The following PAPLN variants were observed in gnomAD, a reference collection of about 807,000 sequenced individuals.
PAPLN encodes papilin.
Under a neutral mutation model 159.0 loss-of-function variants are expected in PAPLN, and 146 were observed. That is an observed-to-expected ratio of 0.92 (90% CI 0.80 to 1.05). The LOEUF is 1.05. Among genes scored for constraint, PAPLN ranks in the 50% least tolerant of loss-of-function variants. The pLI is 0.00. For synonymous variants in PAPLN, 734 were observed against 702.9 expected (o/e 1.04, Z -0.70); for missense variants, 1,720 against 1,743.9 (o/e 0.99, Z 0.24).
In PAPLN at chr14:73,265,273, A is replaced by AGG. The variant is rs56219045; in HGVS notation, c.3126-95_3126-94dup. ...TTTAGGAAGCTGAATCTGGCTGGAG[A>AGG]GGGAGAAGGGGCCACCAGGCTTGTG... is the stretch of plus-strand genomic sequence containing the variant. On this transcript the variant is annotated intron_variant, in intron 22 of 26. Coordinates refer to ENST00000644200, the MANE Select transcript of PAPLN (RefSeq NM_001365906.3). The surrounding 1 kb of genome is among the most constrained non-coding windows in gnomAD (Gnocchi z 4.1). 183,649 of 1,508,586 alleles carry AGG rather than the reference A, an allele frequency of 0.12. 12,901 individuals are homozygous for AGG. The highest frequency in any genetic ancestry group is 0.25 in the Admixed American group (11,993 of 48,618). 93.5% of individuals were successfully genotyped at this position (1,508,586 alleles called of 1,614,324 possible).
chr14:73,244,441 T>G, intron 2 of PAPLN: 5 of 522,496 alleles, frequency 9.6e-6, no homozygotes, highest in Non-Finnish European at 3.4e-6. Flanking sequence ...CTCAGCTCCT[T>G]ATGAGGAAAG....
At chr14:73,270,320 C>T (rs1330292100) in intron 26 of PAPLN, among the ~76,000 whole-genome samples, 2 of 152,224 alleles carry the variant, frequency 1.3e-5, no homozygotes, top group African/African-American at 4.8e-5. Context: ...AACATGGTGG[C>T]GCCCGAAAAC....
intron 2 of PAPLN, among the ~76,000 whole-genome samples, chr14:73,242,202 C>G (rs1005736302): frequency 1.3e-5 from 2 of 152,346 alleles, no homozygotes; most frequent in African/African-American, 4.8e-5. Context: ...CTAGTGGACA[C>G]CTGCCTTACA....
At position 73,265,040 on chromosome 14, in the gene PAPLN, A is replaced by AG. The variant is rs1887075624; in HGVS notation, c.3125+319dup. ...CCTTGAGGAATGGTTCAGTTTACAG[A>AG]GGGGGTGTGGAGGACCGGAGGGGGT... is the stretch of plus-strand genomic sequence containing the variant. On this transcript the variant is annotated intron_variant, in intron 22 of 26. Transcript: ENST00000644200. This position sits in a 1 kb window ranked among gnomAD's most constrained non-coding sequence, Gnocchi z 4.1. Among the ~76,000 whole-genome samples the AG allele has an allele frequency of 6.9e-6, 1 of 145,434 alleles. No homozygotes were observed. Among genetic ancestry groups the AG allele is most frequent in the African/African-American group, 2.6e-5 (1 of 38,260 alleles).
At position 73,266,588 on chromosome 14, in the gene PAPLN, G is replaced by A; in HGVS notation, c.3351G>A (p.Gly1117=). The part of the protein sequence containing the change: ...GGFYTCVAFN[G]QDRDQRWVQL... Reference sequence around the variant, plus strand: ...TCTACACCTGTGTCGCTTTCAATGGGCAGGACCGAGACCAGCGATGGGTCC... The same window carrying A: ...TCTACACCTGTGTCGCTTTCAATGGACAGGACCGAGACCAGCGATGGGTCC... The change falls in exon 24 of 27, where the codon GGG becomes GGA. Residue 1117 remains glycine, a synonymous_variant. Transcript: ENST00000644200. 1 of 1,614,168 alleles carries A rather than the reference G, an allele frequency of 6.2e-7. No individual in the cohort carries two copies. Among genetic ancestry groups the A allele is most frequent in the African/African-American group, 1.3e-5 (1 of 75,032 alleles).
rs1026321315 is a variant in PAPLN, at chr14:73,246,389, C to T, written c.334+214C>T. Reference sequence around the variant, plus strand: ...GGGATTGCAGGCGTGAGCCACTGTACCCGACCAATTTTTTTTTTTTTTTTT... The same window carrying T: ...GGGATTGCAGGCGTGAGCCACTGTATCCGACCAATTTTTTTTTTTTTTTTT... On this transcript the variant is annotated intron_variant, in intron 5 of 26. Coordinates refer to ENST00000644200, the MANE Select transcript of PAPLN (RefSeq NM_001365906.3). Among the ~76,000 whole-genome samples, 4 of 143,748 alleles carry T rather than the reference C, an allele frequency of 2.8e-5. 1 individual carries two copies. The South Asian group carries it at 6.8e-4, about 24-fold the overall frequency. 94.3% of individuals were successfully genotyped at this position (143,748 alleles called of 152,430 possible).
chr14:73,262,948 G>A (rs1346135553), intron 19 of PAPLN, 121 bp downstream of exon 19: 8 of 959,174 alleles, frequency 8.3e-6, no homozygotes, highest in African/African-American at 1.7e-5. Context: ...TGTTTCTCCC[G>A]AGAGCCCTGC....
In PAPLN at chr14:73,261,012, T is replaced by A. The variant is rs538724397; in HGVS notation, c.2107-144T>A. 93 of 1,444,028 alleles carry A rather than the reference T, an allele frequency of 6.4e-5. No individual in the cohort carries two copies. In the African/African-American group the frequency reaches 1.2e-3, roughly 18 times the overall value. The allele number at this position is 1,444,028 out of a possible 1,614,324, so 89.5% of individuals were successfully genotyped here. A position where few individuals can be genotyped will look rare whatever the true frequency, so the allele number is the denominator to read the frequency against. ...GATGGGCCTGGGGTGGATCAGGGGT[T>A]TCATCCAACATTCTCCTGGCCTCTG... On this transcript the variant is annotated intron_variant, in intron 17 of 26. Transcript: ENST00000644200.
chr14:73,244,825 G>A (rs1279798423), intron 3 of PAPLN, 66 bp downstream of exon 3: 2 of 1,348,300 alleles, frequency 1.5e-6, no homozygotes, highest in East Asian at 2.5e-5. Context: ...TCTGGGTGGT[G>A]GGCTAGGTGG....
rs781661082 is a variant in PAPLN at position 73,253,745 on chromosome 14, T to C, written c.1095-9T>C. On this transcript the variant is annotated splice_polypyrimidine_tract_variant and intron_variant, in intron 11 of 26. Coordinates refer to ENST00000644200, the MANE Select transcript of PAPLN (RefSeq NM_001365906.3). ...TGGGCCAGCCTTACCTGATTCCCCC[T>C]CCTGCCAGCTGGAAGGCAGGGCCAT... 6 of 1,585,934 alleles carry C rather than the reference T, an allele frequency of 3.8e-6. No homozygotes were observed. Among genetic ancestry groups the C allele is most frequent in the Non-Finnish European group, 5.2e-6 (6 of 1,161,646 alleles).
At position 73,244,366 on chromosome 14, in the gene PAPLN, T is replaced by A. The variant is rs1326921873; in HGVS notation, c.55-278T>A. On this transcript the variant is annotated intron_variant, in intron 2 of 26. Coordinates refer to ENST00000644200, the MANE Select transcript of PAPLN (RefSeq NM_001365906.3). ...GCCCCTGGCTGTAGGGTCCCTCCCCTCCAGTGGCCCCTGAAACTCCAAACT... is the reference window on the plus strand; with the variant it reads ...GCCCCTGGCTGTAGGGTCCCTCCCCACCAGTGGCCCCTGAAACTCCAAACT... The A allele has an allele frequency of 3.0e-5, 11 of 370,172 alleles. No homozygotes were observed. In the Admixed American group the frequency reaches 3.5e-4, roughly 12 times the overall value. 22.9% of individuals were successfully genotyped at this position (370,172 alleles called of 1,614,324 possible). A position where few individuals can be genotyped will look rare whatever the true frequency, so the allele number is the denominator to read the frequency against.
At position 73,272,609 on chromosome 14, in the gene PAPLN, TCTG is replaced by T; in HGVS notation, c.3786_3788del (p.Cys1263del). On this transcript the variant is annotated inframe_deletion, in exon 27 of 27. Coordinates refer to ENST00000644200, the MANE Select transcript of PAPLN (RefSeq NM_001365906.3). ...TGTGGCAATGAGTATTACTCCAGCT[TCTG>T]CTGTGCCAGCTGTTCACGTTTCCAG... The T allele has an allele frequency of 2.5e-6, 4 of 1,597,706 alleles. No homozygotes were observed. Among genetic ancestry groups the T allele is most frequent in the Non-Finnish European group, 3.4e-6 (4 of 1,166,482 alleles).
In PAPLN at chr14:73,264,215, A is replaced by C. The variant is rs1399152510; in HGVS notation, c.2866A>C (p.Arg956=). Residue 956 remains arginine (R), a synonymous_variant, in exon 21 of 27, where the codon AGG becomes CGG. Transcript: ENST00000644200. The part of the protein sequence containing the change: ...DGQPISSDRH[R]LQFDGSLIIH... Reference sequence around the variant, plus strand: ...CTCCCACACCACCCCACTCAGGCACAGGCTGCAGTTCGACGGATCCCTGAT... The same window carrying C: ...CTCCCACACCACCCCACTCAGGCACCGGCTGCAGTTCGACGGATCCCTGAT... 5 of 1,613,722 alleles carry C rather than the reference A, an allele frequency of 3.1e-6. No homozygotes were observed. In the South Asian group the frequency reaches 5.5e-5, roughly 18 times the overall value.
At position 73,252,635 on chromosome 14, in the gene PAPLN, G is replaced by C; in HGVS notation, c.968-14G>C. The stretch of plus-strand genomic sequence containing the variant: ...TGACTGGCGTCTGCCCGCCATGGCT[G>C]GGCCTCTGCGCAGGTCACCAGTCCC... On this transcript the variant is annotated splice_polypyrimidine_tract_variant and intron_variant, in intron 10 of 26. Transcript: ENST00000644200. The C allele has an allele frequency of 6.2e-7, 1 of 1,610,444 alleles. No homozygotes were observed. The highest frequency in any genetic ancestry group is 8.5e-7 in the Non-Finnish European group (1 of 1,179,008).
In PAPLN at chr14:73,262,740, C is replaced by G; in HGVS notation, c.2636C>G (p.Pro879Arg). 1 of 1,512,842 alleles carries G rather than the reference C, an allele frequency of 6.6e-7. No individual in the cohort carries two copies. The allele number at this position is 1,512,842 out of a possible 1,614,324, so 93.7% of individuals were successfully genotyped here. ...CACACCCAGGCCTTTGGAGAATGGCCATGGGGGCAGGAGCTTGGGTCCAGG... is the reference window on the plus strand; with the variant it reads ...CACACCCAGGCCTTTGGAGAATGGCGATGGGGGCAGGAGCTTGGGTCCAGG... ...APHTQAFGEW[P>R]WGQELGSRAP... is the part of the protein sequence containing the mutation. The change falls in exon 19 of 27, where the codon CCA becomes CGA. Residue 879 changes from proline (P) to arginine (R), a missense_variant. Physicochemically the swap from Pro to Arg is moderately radical, Grantham distance 103 (BLOSUM62 -2). Coordinates refer to ENST00000644200, the MANE Select transcript of PAPLN (RefSeq NM_001365906.3).
At chr14:73,269,275 CAT>C (rs763348059) in intron 26 of PAPLN, among the ~76,000 whole-genome samples, 1 of 144,816 alleles carries the variant, frequency 6.9e-6, no homozygotes, top group Non-Finnish European at 1.5e-5. Flanking sequence ...GACTAGAGCC[CAT>C]GTCTTTTGAC....
chr14:73,253,721 G>C, intron 11 of PAPLN, 33 bp from the exon 12 acceptor site: 1 of 1,556,066 alleles, frequency 6.4e-7, no homozygotes, highest in Non-Finnish European at 8.7e-7. Context: ...CCATGCTCCT[G>C]GGCCAGCCTT....
At chr14:73,246,311 G>T (rs1283950121) in intron 5 of PAPLN, 136 bp downstream of exon 5, 1 of 765,400 alleles carries the variant, frequency 1.3e-6, no homozygotes, top group Non-Finnish European at 1.9e-6. Context: ...GCCCAGGCTG[G>T]TCTTGAACTC....
Position 73,258,984 on chromosome 14 carries a change from C to G in PAPLN, c.1633C>G (p.Pro545Ala). 6.2e-7 allele frequency: 1 copy of G among 1,610,640 alleles called. No homozygotes were observed. Among genetic ancestry groups the G allele is most frequent in the Non-Finnish European group, 8.5e-7 (1 of 1,178,470 alleles). The change falls in exon 15 of 27, where the codon CCC (proline) becomes GCC (alanine). Residue 545 changes from proline (P) to alanine (A), a missense_variant. By Grantham distance (27) the Pro-to-Ala change is conservative. Transcript: ENST00000644200. ...TQPCHLPQEV[P>A]SMQDVHTPAS... ...GACCTCCCGGCTCCCTGCAGAGGTC[C>G]CCAGCATGCAGGATGTGCACACCCC...
Sources: allele counts gnomAD v4.1 joint callset (sites outside exome capture counted in the v4.1 genomes callset), GRCh38; gene constraint gnomAD v4.1.1; non-coding constraint Gnocchi (gnomAD v3.1); transcripts MANE v1.5; gene names NCBI Gene and HGNC (gene_info 2026-07-23, HGNC 2026-07-21).